The following CSMD3 variants were observed in gnomAD, a reference collection of about 807,000 sequenced individuals.
CSMD3 encodes the protein CUB and Sushi multiple domains 3.
A neutral mutation model predicts 435.2 loss-of-function variants in CSMD3; 177 were observed. The observed-to-expected ratio is 0.41, with a 90% CI of 0.36 to 0.46. The LOEUF (loss-of-function observed/expected upper bound fraction) is 0.46, where lower values mean the gene tolerates loss of function less well. CSMD3 is among the 20% of genes least tolerant of loss of function. The pLI is 0.34. For missense variants in CSMD3, 4,265 were observed against 4,504.6 expected, an observed-to-expected ratio of 0.95 and a Z score of 1.52; for synonymous variants, 1,656 against 1,520.5, an observed-to-expected ratio of 1.09 and a Z score of -2.07.
At chr8:112,790,148 G>C (rs1041242847) in intron 13 of CSMD3, among the ~76,000 whole-genome samples, 4 of 145,934 alleles carry the variant, frequency 2.7e-5, no homozygotes, top group Non-Finnish European at 6.0e-5. Context: ...TAGGATCTCT[G>C]TTTATATGTG....
intron 4 of CSMD3, among the ~76,000 whole-genome samples, chr8:113,113,510 G>C (rs545792716): frequency 1.3e-5 from 2 of 152,180 alleles, no homozygotes; most frequent in African/African-American, 4.8e-5. Context: ...TTAAAGGCTA[G>C]GTTTAGATGT....
intron 3 of CSMD3, among the ~76,000 whole-genome samples, chr8:113,266,115 T>C (rs928213075): frequency 2.0e-5 from 3 of 150,392 alleles, no homozygotes; most frequent in Non-Finnish European, 4.5e-5. Flanking sequence ...GTAAGCTCTC[T>C]ATTAAATTTC....
intron 4 of CSMD3, among the ~76,000 whole-genome samples, chr8:113,139,599 G>A (rs2091498921): frequency 2.0e-5 from 3 of 150,962 alleles, no homozygotes; most frequent in Admixed American, 6.6e-5. Flanking sequence ...CACTAAAAAT[G>A]CAGTATATAA....
At chr8:112,852,327 T>C (rs536670998) in intron 11 of CSMD3, among the ~76,000 whole-genome samples, 29 of 152,180 alleles carry the variant, frequency 1.9e-4, no homozygotes. Context: ...GGACTGAAAT[T>C]TGGATTTTTT....
chr8:113,244,261 A>G (rs1441550589), intron 3 of CSMD3, among the ~76,000 whole-genome samples: 1 of 152,176 alleles, frequency 6.6e-6, no homozygotes, highest in East Asian at 1.9e-4. Context: ...TGACCTTTTC[A>G]TTATGAGTTT....
intron 26 of CSMD3, among the ~76,000 whole-genome samples, chr8:112,551,306 G>C (rs914435639): frequency 1.3e-5 from 2 of 152,040 alleles, no homozygotes; most frequent in Non-Finnish European, 2.9e-5. Flanking sequence ...TTAGATAAAT[G>C]AAATAATTTC....
At position 112,996,021 on chromosome 8, in the gene CSMD3, T is replaced by C. The variant is rs111428043; in HGVS notation, c.1031-19873A>G. Among the ~76,000 whole-genome samples the C allele has an allele frequency of 3.5e-3, 535 of 151,670 alleles. 3 individuals are homozygous for C. Among genetic ancestry groups the C allele is most frequent in the African/African-American group, 0.012 (499 of 41,506 alleles). ...TTTTATATATTTACTGTGTATAATA[T>C]GATGTTTTGAAATATGTATGTATGG... On this transcript the variant is annotated intron_variant, in intron 6 of 70. Coordinates refer to ENST00000297405, the MANE Select transcript of CSMD3 (RefSeq NM_198123.2).
intron 5 of CSMD3, among the ~76,000 whole-genome samples, chr8:113,072,900 T>A (rs571308250): frequency 1.2e-4 from 18 of 151,908 alleles, no homozygotes; most frequent in Admixed American, 3.3e-4. Flanking sequence ...TTCAAGCTTC[T>A]GTGCTGGCAT....
At chr8:112,792,647 T>A (rs774456842) in intron 13 of CSMD3, among the ~76,000 whole-genome samples, 44 of 152,184 alleles carry the variant, frequency 2.9e-4, no homozygotes, top group Non-Finnish European at 5.6e-4. Context: ...TTTTCTTCTA[T>A]GTTTTATTCC....
intron 3 of CSMD3, among the ~76,000 whole-genome samples, chr8:113,240,525 T>A (rs2093202593): frequency 6.6e-6 from 1 of 152,134 alleles, no homozygotes; most frequent in East Asian, 1.9e-4. Context: ...CTAAGATTGG[T>A]TATAGTGTAA....
In CSMD3 at chr8:113,422,744, G is replaced by A. The variant is rs2094614650; in HGVS notation, c.178+13933C>T. ...ACAGTGTGACCCACAGAGTGTAAGA[G>A]AGAGACGAAAAAAAATGTTTTTTGG... On this transcript the variant is annotated intron_variant, in intron 1 of 70. Transcript: ENST00000297405. 2.0e-5 allele frequency among the ~76,000 whole-genome samples: 3 copies of A among 152,118 alleles called. No homozygotes were observed. The South Asian group carries it at 6.2e-4, about 32-fold the overall frequency.
chr8:112,255,479 T>A (rs371134311), intron 61 of CSMD3, 52 bp from the exon 62 acceptor site: 32 of 1,534,524 alleles, frequency 2.1e-5, no homozygotes, highest in Non-Finnish European at 2.5e-5. Context: ...TACAGCAGAG[T>A]ACACAGTTTG....
chr8:112,970,823 G>T (rs2084626510), intron 7 of CSMD3, among the ~76,000 whole-genome samples: 1 of 151,488 alleles, frequency 6.6e-6, no homozygotes, highest in South Asian at 2.1e-4. Flanking sequence ...CTGGGTTCAC[G>T]CTATTCTCCT....
Position 113,435,466 on chromosome 8 carries a change from C to A in CSMD3, c.178+1211G>T, listed in dbSNP as rs1236836877. Reference sequence around the variant, plus strand: ...GAGCTGCCTTCCGTGGGGGGACAGCCAGCTGCAAGCTGGACAATAAACTGT... The same window carrying A: ...GAGCTGCCTTCCGTGGGGGGACAGCAAGCTGCAAGCTGGACAATAAACTGT... On this transcript the variant is annotated intron_variant, in intron 1 of 70. Coordinates refer to ENST00000297405, the MANE Select transcript of CSMD3 (RefSeq NM_198123.2). Among the ~76,000 whole-genome samples the A allele has an allele frequency of 2.6e-5, 4 of 152,108 alleles. No individual in the cohort carries two copies. In the South Asian group the frequency reaches 8.3e-4, roughly 32 times the overall value.
chr8:112,367,173 C>T (rs58808860), intron 38 of CSMD3, among the ~76,000 whole-genome samples: 4,979 of 152,036 alleles, frequency 0.033, 274 homozygotes, highest in African/African-American at 0.11. Context: ...AATAAATGTG[C>T]TATCACATTA....
chr8:112,512,890 T>C (rs1823278962), intron 28 of CSMD3, among the ~76,000 whole-genome samples: 1 of 152,260 alleles, frequency 6.6e-6, no homozygotes, highest in Non-Finnish European at 1.5e-5. Context: ...CTTCAGTACC[T>C]ACATATTCAC....
chr8:112,827,803 A>G lies in CSMD3; in HGVS notation c.1859+1883T>C, dbSNP rs182220887. ...CAACGCAAAGGATCTTAGAAGCTCAAGTGGAAAATGATAGAGGGATTAGGG... is the reference window on the plus strand; with the variant it reads ...CAACGCAAAGGATCTTAGAAGCTCAGGTGGAAAATGATAGAGGGATTAGGG... On this transcript the variant is annotated intron_variant, in intron 12 of 70. Coordinates refer to ENST00000297405, the MANE Select transcript of CSMD3 (RefSeq NM_198123.2). Among the ~76,000 whole-genome samples the G allele has an allele frequency of 6.2e-4, 95 of 152,312 alleles. 1 individual carries two copies. The highest frequency in any genetic ancestry group is 2.2e-3 in the African/African-American group (91 of 41,570).
chr8:112,241,665 T>C (rs1390251912), intron 66 of CSMD3, 55 bp downstream of exon 66: 1 of 1,212,464 alleles, frequency 8.2e-7, no homozygotes, highest in Admixed American at 1.7e-5. Flanking sequence ...GCCAAGAAAA[T>C]AGTAGACCAT....
intron 3 of CSMD3, among the ~76,000 whole-genome samples, chr8:113,209,522 A>G (rs1175897976): frequency 6.6e-6 from 1 of 152,268 alleles, no homozygotes; most frequent in African/African-American, 2.4e-5. Flanking sequence ...TGTGAAATCT[A>G]TATTAAAAGT....
Sources: gnomAD v4.1 joint callset for allele counts (sites outside exome capture counted in the v4.1 genomes callset) on GRCh38, gnomAD v4.1.1 for gene constraint, MANE v1.5 for transcripts, NCBI Gene and HGNC (gene_info 2026-07-23, HGNC 2026-07-21) for gene names.